Variants in LRRIQ1 observed in about 807,000 individuals in gnomAD.
LRRIQ1 encodes the protein leucine-rich repeat- and IQ domain-containing protein 1.
In LRRIQ1, 210 loss-of-function variants were observed where a neutral mutation model predicts 211.9. That is an observed-to-expected ratio of 0.99 (90% confidence interval 0.89 to 1.11). The LOEUF is 1.11. LRRIQ1 is among the 50% of genes most tolerant of loss of function. The pLI, the probability that LRRIQ1 is intolerant of heterozygous loss-of-function variation, is 0.00. For missense variants in LRRIQ1, 2,136 were observed against 1,939.5 expected (o/e 1.10, Z -1.90); for synonymous variants, 699 against 650.1 (o/e 1.08, Z -1.14).
chr12:85,141,205 G>C (rs1433381733), intron 19 of LRRIQ1, among the ~76,000 whole-genome samples: 2 of 151,160 alleles, frequency 1.3e-5, no homozygotes, highest in African/African-American at 4.8e-5. Context: ...TGTTTCATGT[G>C]AACATAAAAG....
Position 85,065,422 on chromosome 12 carries a change from C to A in LRRIQ1, c.2544+8C>A. The A allele has an allele frequency of 6.4e-7, 1 of 1,571,166 alleles. No homozygotes were observed. The highest frequency in any genetic ancestry group is 1.2e-5 in the South Asian group (1 of 84,800). On this transcript the variant is annotated splice_region_variant and intron_variant, in intron 9 of 26. Coordinates refer to ENST00000393217, the MANE Select transcript of LRRIQ1 (RefSeq NM_001079910.2). ...AAGTACATTGATGCACAGGTATGCTCTCTGCCCTACTGTTATTTATTTTAT... is the reference window on the plus strand; with the variant it reads ...AAGTACATTGATGCACAGGTATGCTATCTGCCCTACTGTTATTTATTTTAT...
At chr12:85,163,379 A>C (rs1890996570) in intron 24 of LRRIQ1, among the ~76,000 whole-genome samples, 1 of 152,110 alleles carries the variant, frequency 6.6e-6, no homozygotes, top group South Asian at 2.1e-4. Flanking sequence ...ATCAAAATTA[A>C]ATTTTCCTGT....
chr12:85,129,193 T>G (rs1888585353), intron 18 of LRRIQ1, among the ~76,000 whole-genome samples: 1 of 152,212 alleles, frequency 6.6e-6, no homozygotes, highest in Non-Finnish European at 1.5e-5. Context: ...AAAAATTTAT[T>G]TACTCATCAA....
At position 85,044,766 on chromosome 12, in the gene LRRIQ1, G is replaced by T. The variant is rs367623351; in HGVS notation, c.293G>T (p.Gly98Val). The T allele has an allele frequency of 6.4e-7, 1 of 1,564,582 alleles. No homozygotes were observed. Among genetic ancestry groups the T allele is most frequent in the African/African-American group, 1.4e-5 (1 of 73,878 alleles). Residue 98 changes from glycine (G) to valine (V), a missense_variant, in exon 4 of 27, where the codon GGA (glycine) becomes GTA (valine). Physicochemically the swap from Gly to Val is moderately radical, Grantham distance 109 (BLOSUM62 -3). Coordinates refer to ENST00000393217, the MANE Select transcript of LRRIQ1 (RefSeq NM_001079910.2). ...AATAATCATATGCATTTAAGAACAG[G>T]ACTATCAACTGAATATGAAGAAAGT... ...VSNNHMHLRT[G>V]LSTEYEESSE... is the part of the protein sequence containing the mutation.
In LRRIQ1 at chr12:85,239,354, TATACAC is replaced by T. The variant is rs530025759; in HGVS notation, c.5017-5433_5017-5428del. The stretch of plus-strand genomic sequence containing the variant: ...CAATCCCCGGTAATTGAAACTGTTT[TATACAC>T]ACACACACACACACACACACACACA... On this transcript the variant is annotated intron_variant, in intron 26 of 26. Coordinates refer to ENST00000393217, the MANE Select transcript of LRRIQ1 (RefSeq NM_001079910.2). Among the ~76,000 whole-genome samples, 663 of 86,546 alleles carry T rather than the reference TATACAC, an allele frequency of 7.7e-3. 2 individuals are homozygous for T. Among genetic ancestry groups the T allele is most frequent in the African/African-American group, 0.037 (631 of 16,924 alleles). 56.8% of individuals were successfully genotyped at this position (86,546 alleles called of 152,430 possible).
At chr12:85,098,676 A>G in intron 12 of LRRIQ1, 128 bp downstream of exon 12, 1 of 799,686 alleles carries the variant, frequency 1.3e-6, no homozygotes, top group Non-Finnish European at 1.9e-6. Flanking sequence ...AGTAACCTTT[A>G]TCAAGAATAT....
At chr12:85,122,875 G>A (rs1353930633) in intron 16 of LRRIQ1, among the ~76,000 whole-genome samples, 6 of 151,858 alleles carry the variant, frequency 4.0e-5, no homozygotes, top group Non-Finnish European at 5.9e-5. Context: ...TGTATGTAAA[G>A]GTGACTCTTC....
intron 20 of LRRIQ1, 55 bp from the exon 21 acceptor site, chr12:85,152,969 T>C: frequency 7.3e-7 from 1 of 1,360,980 alleles, no homozygotes; most frequent in South Asian, 1.4e-5. Context: ...TAATACAACA[T>C]AAATGCTAGG....
Position 85,181,957 on chromosome 12 carries a change from A to C in LRRIQ1, c.4822+21243A>C, listed in dbSNP as rs542250609. 2.0e-5 allele frequency among the ~76,000 whole-genome samples: 3 copies of C among 152,128 alleles called. No individual in the cohort carries two copies. In the East Asian group the frequency reaches 5.8e-4, roughly 29 times the overall value. ...TTTTCTTTGATATATTTCTGTTACT[A>C]CTAGAAGAAATATATTATTGAAATA... On this transcript the variant is annotated intron_variant, in intron 24 of 26. Transcript: ENST00000393217.
chr12:85,046,175 T>C (rs1329739385), intron 5 of LRRIQ1, 38 bp downstream of exon 5: 2 of 1,211,900 alleles, frequency 1.7e-6, no homozygotes, highest in Non-Finnish European at 2.4e-6. Context: ...TGTTGATTTT[T>C]ATATGATTGA....
chr12:85,160,968 G>A (rs909620889), intron 24 of LRRIQ1, among the ~76,000 whole-genome samples: 3 of 151,780 alleles, frequency 2.0e-5, no homozygotes, highest in Admixed American at 6.6e-5. Context: ...ATATATGAAC[G>A]TTTTATAATG....
At chr12:85,267,460 T>C (rs1896448034), downstream of LRRIQ1, among the ~76,000 whole-genome samples, 1 of 152,074 alleles carries the variant, frequency 6.6e-6, no homozygotes, top group Non-Finnish European at 1.5e-5. Flanking sequence ...AGTATGTAGC[T>C]ATTTGTAAAT....
At chr12:85,197,176 C>G (rs1227041033) in intron 24 of LRRIQ1, among the ~76,000 whole-genome samples, 1 of 152,140 alleles carries the variant, frequency 6.6e-6, no homozygotes, top group Non-Finnish European at 1.5e-5. Flanking sequence ...AGTCAGGAAA[C>G]AACAGGTGCT....
chr12:85,171,090 T>G (rs1012398737), intron 24 of LRRIQ1, among the ~76,000 whole-genome samples: 1 of 152,102 alleles, frequency 6.6e-6, no homozygotes, highest in South Asian at 2.1e-4. Flanking sequence ...AGACTTTAGA[T>G]AATGGAGATT....
intron 24 of LRRIQ1, among the ~76,000 whole-genome samples, chr12:85,222,353 G>C (rs546728368): frequency 6.6e-6 from 1 of 152,090 alleles, no homozygotes; most frequent in Non-Finnish European, 1.5e-5. Context: ...AAGATGGCAA[G>C]GGAAGAGGGG....
chr12:85,171,865 T>A (rs1181322337), intron 24 of LRRIQ1, among the ~76,000 whole-genome samples: 1 of 152,206 alleles, frequency 6.6e-6, no homozygotes, highest in Non-Finnish European at 1.5e-5. Flanking sequence ...CACCTGGATC[T>A]TGGACTTTTA....
At chr12:85,111,635 A>G (rs1338564314) in intron 15 of LRRIQ1, among the ~76,000 whole-genome samples, 6 of 152,278 alleles carry the variant, frequency 3.9e-5, no homozygotes, top group African/African-American at 1.4e-4. Flanking sequence ...GCAATAGAGA[A>G]CATTTGAATA....
At chr12:85,178,239 A>G (rs571315438) in intron 24 of LRRIQ1, among the ~76,000 whole-genome samples, 1 of 151,788 alleles carries the variant, frequency 6.6e-6, no homozygotes, top group South Asian at 2.1e-4. Context: ...TATCTCCTGT[A>G]GTTTGTTTCT....
At chr12:85,046,213 G>T in intron 5 of LRRIQ1, 76 bp downstream of exon 5, 1 of 788,216 alleles carries the variant, frequency 1.3e-6, no homozygotes, top group Non-Finnish European at 2.1e-6. Flanking sequence ...AAATTGGACA[G>T]TTGATGTTTG....
Sources: gnomAD v4.1 joint callset for allele counts (sites outside exome capture counted in the v4.1 genomes callset) on GRCh38, gnomAD v4.1.1 for gene constraint, MANE v1.5 for transcripts, NCBI Gene and HGNC (gene_info 2026-07-23, HGNC 2026-07-21) for gene names.